CRIM1: variants seen among roughly 807,000 people sequenced by gnomAD.
The protein encoded by CRIM1 is cysteine rich transmembrane BMP regulator 1.
A neutral mutation model predicts 116.4 loss-of-function variants in CRIM1; 32 were observed. That is an observed-to-expected ratio of 0.27 (90% CI 0.21 to 0.37). CRIM1 has a LOEUF of 0.37. Among genes scored for constraint, CRIM1 ranks in the 10% least tolerant of loss-of-function variants. The pLI is 1.00. For missense variants in CRIM1, 1,331 were observed against 1,354.8 expected (o/e 0.98, Z 0.28); for synonymous variants, 590 against 509.2 (o/e 1.16, Z -2.13).
intron 4 of CRIM1, among the ~76,000 whole-genome samples, chr2:36,462,972 A>G: frequency 6.6e-6 from 1 of 152,200 alleles, no homozygotes; most frequent in East Asian, 1.9e-4. Flanking sequence ...TAGCGTATGA[A>G]TTGAGAGCTC....
chr2:36,490,154 A>G (rs1558362674), intron 7 of CRIM1, among the ~76,000 whole-genome samples: 1 of 152,178 alleles, frequency 6.6e-6, no homozygotes, highest in Non-Finnish European at 1.5e-5. Flanking sequence ...GAGGTCTGTG[A>G]AAGGGCTAAG....
chr2:36,533,580 T>C (rs1022325810), intron 13 of CRIM1, among the ~76,000 whole-genome samples: 5 of 152,114 alleles, frequency 3.3e-5, no homozygotes, highest in South Asian at 2.1e-4. Flanking sequence ...GGCAACAGAG[T>C]GAGACCCTGT....
intron 7 of CRIM1, among the ~76,000 whole-genome samples, chr2:36,487,371 A>G (rs1408340519): frequency 6.6e-6 from 1 of 152,186 alleles, no homozygotes; most frequent in African/African-American, 2.4e-5. Context: ...TTCACAAGTT[A>G]TATGGGAAAA....
chr2:36,366,670 A>G (rs1669624061), intron 1 of CRIM1, among the ~76,000 whole-genome samples: 1 of 152,240 alleles, frequency 6.6e-6, no homozygotes, highest in African/African-American at 2.4e-5. Context: ...AATTTCTGGC[A>G]GGGCAGAATG....
chr2:36,357,116 C>T (rs565358868), intron 1 of CRIM1, among the ~76,000 whole-genome samples: 4 of 152,218 alleles, frequency 2.6e-5, no homozygotes, highest in African/African-American at 7.2e-5. Context: ...TCGCACTCCC[C>T]GAGTGACTCT....
In CRIM1 at chr2:36,548,526, C is replaced by T; in HGVS notation, c.2936C>T (p.Pro979Leu). The change falls in exon 17 of 17, where the codon CCT becomes CTT. Residue 979 changes from proline (P) to leucine (L), a missense_variant and splice_region_variant. Physicochemically the swap from Pro to Leu is moderately conservative, Grantham distance 98 (BLOSUM62 -3). Coordinates refer to ENST00000280527, the MANE Select transcript of CRIM1 (RefSeq NM_016441.3). ...TTTATTCCTCCTCTCATTAAATAGC[C>T]TTCTTCCTTAAATAATCAGCTAGTA... The part of the protein sequence containing the change: ...LLCWYRTPTK[P>L]SSLNNQLVSV... 1 of 1,560,608 alleles carries T rather than the reference C, an allele frequency of 6.4e-7. No individual in the cohort carries two copies. Among genetic ancestry groups the T allele is most frequent in the Non-Finnish European group, 8.6e-7 (1 of 1,160,180 alleles).
intron 12 of CRIM1, among the ~76,000 whole-genome samples, chr2:36,519,578 T>C (rs1417877348): frequency 6.6e-6 from 1 of 152,148 alleles, no homozygotes; most frequent in African/African-American, 2.4e-5. Context: ...TGTAGAAAAA[T>C]ATCATCTCTA....
chr2:36,409,381 C>G (rs751342924), intron 2 of CRIM1, among the ~76,000 whole-genome samples: 4 of 152,190 alleles, frequency 2.6e-5, no homozygotes, highest in Non-Finnish European at 4.4e-5. Flanking sequence ...AGCATCCCCA[C>G]ATTTTAATCT....
At chr2:36,423,243 G>T (rs534790132) in intron 2 of CRIM1, among the ~76,000 whole-genome samples, 1 of 152,318 alleles carries the variant, frequency 6.6e-6, no homozygotes, top group African/African-American at 2.4e-5. Context: ...CTATACTGGG[G>T]ATCCTAAGCT....
chr2:36,411,662 TTGTGTG>T (rs58015078), intron 2 of CRIM1, among the ~76,000 whole-genome samples: 4 of 150,094 alleles, frequency 2.7e-5, no homozygotes, highest in African/African-American at 4.9e-5. Context: ...ATCTTATTCT[TTGTGTG>T]TGTGTGTGTG....
intron 7 of CRIM1, among the ~76,000 whole-genome samples, chr2:36,495,982 A>G (rs1680564377): frequency 6.6e-6 from 1 of 152,164 alleles, no homozygotes; most frequent in African/African-American, 2.4e-5. Flanking sequence ...ACCAAGCACT[A>G]AAATGTTGGG....
At chr2:36,489,542 A>ACATG (rs1479159135) in intron 7 of CRIM1, among the ~76,000 whole-genome samples, 7 of 152,188 alleles carry the variant, frequency 4.6e-5, no homozygotes, top group Non-Finnish European at 8.8e-5. Context: ...GATACTAAGA[A>ACATG]CATGACTCAT....
chr2:36,540,094 A>G (rs942206077), intron 14 of CRIM1, among the ~76,000 whole-genome samples: 1 of 152,154 alleles, frequency 6.6e-6, no homozygotes, highest in Non-Finnish European at 1.5e-5. Context: ...GAAGAAGCCA[A>G]GAGGGTCAGT....
rs537042256 is a variant in CRIM1 at position 36,534,320 on chromosome 2, AAGAAGG to A, written c.2429-3027_2429-3022del. ...GAAAGGAAGGAGGGAGGGGGAAGGA[AAGAAGG>A]AGAAAAGGAGGGAGGGAGGAGGAGG... On this transcript the variant is annotated intron_variant, in intron 13 of 16. Coordinates refer to ENST00000280527, the MANE Select transcript of CRIM1 (RefSeq NM_016441.3). Among the ~76,000 whole-genome samples, 177 of 118,378 alleles carry A rather than the reference AAGAAGG, an allele frequency of 1.5e-3. 2 individuals carry two copies. In the East Asian group the frequency reaches 0.023, roughly 16 times the overall value. 77.7% of individuals were successfully genotyped at this position (118,378 alleles called of 152,430 possible).
rs1368028810 is a variant in CRIM1, at chr2:36,442,624, T to TG, written c.760dup (p.Asp254GlyfsTer21). On this transcript the variant is annotated frameshift_variant, in exon 4 of 17. Transcript: ENST00000280527. LOFTEE classifies it high-confidence loss of function. ...TGTTTGCCCCTTTCAGTTTTCGGCG[T>TG]GGACTGCAGGACTGTGGAATGCCCT... 1 of 1,614,134 alleles carries TG rather than the reference T, an allele frequency of 6.2e-7. No homozygotes were observed. Among genetic ancestry groups the TG allele is most frequent in the Non-Finnish European group, 8.5e-7 (1 of 1,179,990 alleles).
At chr2:36,414,699 T>TG (rs1443532873) in intron 2 of CRIM1, among the ~76,000 whole-genome samples, 7 of 152,198 alleles carry the variant, frequency 4.6e-5, no homozygotes, top group Non-Finnish European at 7.3e-5. Flanking sequence ...AGAGTGAACT[T>TG]GCCCATGTTC....
chr2:36,367,364 A>G (rs1669667906), intron 1 of CRIM1, among the ~76,000 whole-genome samples: 1 of 152,170 alleles, frequency 6.6e-6, no homozygotes, highest in Non-Finnish European at 1.5e-5. Flanking sequence ...GGTGAATATT[A>G]CAGAATTCTT....
intron 1 of CRIM1, among the ~76,000 whole-genome samples, chr2:36,380,795 G>C (rs1670686516): frequency 6.6e-6 from 1 of 152,212 alleles, no homozygotes; most frequent in Non-Finnish European, 1.5e-5. Flanking sequence ...CAGAATTGTG[G>C]CATTGGAAGT....
At chr2:36,469,712 T>C (rs1017847932) in intron 5 of CRIM1, among the ~76,000 whole-genome samples, 1 of 152,214 alleles carries the variant, frequency 6.6e-6, no homozygotes, top group Admixed American at 6.5e-5. Flanking sequence ...ATGCTCATAA[T>C]GTTTCTAAGG....
Sources: gnomAD v4.1 joint callset for allele counts (sites outside exome capture counted in the v4.1 genomes callset) on GRCh38, gnomAD v4.1.1 for gene constraint, MANE v1.5 for transcripts, NCBI Gene and HGNC (gene_info 2026-07-23, HGNC 2026-07-21) for gene names.